The following CDH23 variants were observed in gnomAD, a reference collection of about 807,000 sequenced individuals.
The protein encoded by CDH23 is cadherin related 23, also known as cadherin-23.
In CDH23, 189 loss-of-function variants were observed where a neutral mutation model predicts 317.1. The ratio of observed to expected loss-of-function variants is 0.60; its 90% CI spans 0.53 to 0.67. CDH23 has a LOEUF of 0.67. CDH23 is among the 30% of genes least tolerant of loss of function. The pLI is 0.00. For synonymous variants in CDH23, 1,839 were observed against 1,876.8 expected (o/e 0.98, Z 0.52); for missense variants, 4,401 against 4,592.4 (o/e 0.96, Z 1.20).
intron 6 of CDH23, among the ~76,000 whole-genome samples, chr10:71,544,225 G>A (rs1323462662): frequency 6.6e-6 from 1 of 152,172 alleles, no homozygotes; most frequent in African/African-American, 2.4e-5. Context: ...AGAGGTGGAC[G>A]GGAGTAGCGG....
At chr10:71,764,240 A>G (rs916125918) in intron 38 of CDH23, among the ~76,000 whole-genome samples, 1 of 152,192 alleles carries the variant, frequency 6.6e-6, no homozygotes, top group African/African-American at 2.4e-5. Context: ...CACTACGCTA[A>G]GGGTTTCATG....
In CDH23 at chr10:71,625,515, T is replaced by C. The variant is rs79270431; in HGVS notation, c.1134+8122T>C. On this transcript the variant is annotated intron_variant, in intron 11 of 69. Transcript: ENST00000224721. ...GGAGGTGAGAAGGGGAGACTGTTCT[T>C]GTTCTCCTGCTCATCTCAGTCTTTA... Among the ~76,000 whole-genome samples the C allele has an allele frequency of 3.2e-3, 478 of 151,680 alleles. 21 individuals are homozygous for C. The East Asian group carries it at 0.075, about 24-fold the overall frequency.
At chr10:71,744,473 C>T (rs1010286727) in intron 38 of CDH23, among the ~76,000 whole-genome samples, 8 of 152,230 alleles carry the variant, frequency 5.3e-5, no homozygotes, top group Non-Finnish European at 8.8e-5. Flanking sequence ...ACCCAGAATG[C>T]ATGGGCCACT....
rs115028786 is a variant in CDH23 at position 71,507,775 on chromosome 10, C to T, written c.146-2307C>T. 7.4e-3 allele frequency among the ~76,000 whole-genome samples: 1,123 copies of T among 152,316 alleles called. 21 individuals carry two copies. Among genetic ancestry groups the T allele is most frequent in the Middle Eastern group, 0.031 (9 of 294 alleles). On this transcript the variant is annotated intron_variant, in intron 3 of 69. Transcript: ENST00000224721. The stretch of plus-strand genomic sequence containing the variant: ...TTAGTATAAAACATTTATTTGTCAC[C>T]GGGCAATGCAAACGCTTTGGAAAGA...
intron 3 of CDH23, among the ~76,000 whole-genome samples, chr10:71,462,973 G>A (rs1006689176): frequency 6.6e-6 from 1 of 152,206 alleles, no homozygotes; most frequent in Non-Finnish European, 1.5e-5. Flanking sequence ...TTGGCCTAAA[G>A]GCCAACTCAG....
chr10:71,708,470 C>T (rs1361550296), intron 26 of CDH23, among the ~76,000 whole-genome samples: 2 of 152,206 alleles, frequency 1.3e-5, no homozygotes. Context: ...TTCCTGACTC[C>T]CGTCCACCGC....
At chr10:71,610,823 G>T (rs1161129431) in intron 9 of CDH23, among the ~76,000 whole-genome samples, 1 of 151,806 alleles carries the variant, frequency 6.6e-6, no homozygotes, top group Non-Finnish European at 1.5e-5. Context: ...CTGCCCCCAG[G>T]AAAACCAGCA....
At chr10:71,470,163 G>T (rs550308971) in intron 3 of CDH23, among the ~76,000 whole-genome samples, 2 of 152,186 alleles carry the variant, frequency 1.3e-5, no homozygotes, top group South Asian at 2.1e-4. Context: ...GAACTGACAC[G>T]CTGGTTTTCA....
intron 1 of CDH23, among the ~76,000 whole-genome samples, chr10:71,417,057 T>C (rs10823740): frequency 0.3 from 43,808 of 148,216 alleles, 6,624 homozygotes; most frequent in Middle Eastern, 0.44. Context: ...TTTTTGTCTT[T>C]TCCTTTCTTC....
At chr10:71,774,147 G>C (rs1256818540) in intron 38 of CDH23, among the ~76,000 whole-genome samples, 1 of 151,660 alleles carries the variant, frequency 6.6e-6, no homozygotes, top group Non-Finnish European at 1.5e-5. Flanking sequence ...GACACACACA[G>C]ATATGCAGGC....
chr10:71,709,325 G>A, intron 27 of CDH23, 114 bp downstream of exon 27: 1 of 863,686 alleles, frequency 1.2e-6, no homozygotes, highest in South Asian at 1.7e-5. Flanking sequence ...TGCCAGTGGA[G>A]AAAGGGCCAC....
chr10:71,689,846 G>A (rs1028750828), intron 19 of CDH23, among the ~76,000 whole-genome samples: 2 of 152,174 alleles, frequency 1.3e-5, no homozygotes, highest in Non-Finnish European at 1.5e-5. Context: ...CTCACCACTG[G>A]GCCAGAGCTG....
At chr10:71,586,205 A>C (rs963567141) in intron 9 of CDH23, among the ~76,000 whole-genome samples, 1 of 152,026 alleles carries the variant, frequency 6.6e-6, no homozygotes, top group Non-Finnish European at 1.5e-5. Context: ...TTTCTAGCTC[A>C]TGGCTGGAGG....
At chr10:71,401,002 G>C (rs1208389644) in intron 1 of CDH23, among the ~76,000 whole-genome samples, 3 of 152,074 alleles carry the variant, frequency 2.0e-5, no homozygotes, top group South Asian at 2.1e-4. Flanking sequence ...CTTGCTTTGG[G>C]TTCCTCTTGG....
At chr10:71,511,332 C>G (rs1853972731) in intron 6 of CDH23, 120 bp downstream of exon 6, 4 of 924,628 alleles carry the variant, frequency 4.3e-6, no homozygotes, top group Non-Finnish European at 7.1e-6. Flanking sequence ...CAGACCTCAG[C>G]CCAGGTGCCA....
intron 1 of CDH23, among the ~76,000 whole-genome samples, chr10:71,406,018 A>AT (rs10659003): frequency 0.065 from 9,643 of 147,542 alleles, 778 homozygotes; most frequent in African/African-American, 0.19. Flanking sequence ...AAAGCAGGTA[A>AT]TTTTTTTTTT....
At chr10:71,795,172 G>C (rs1841365427) in intron 48 of CDH23, among the ~76,000 whole-genome samples, 1 of 152,162 alleles carries the variant, frequency 6.6e-6, no homozygotes, top group Non-Finnish European at 1.5e-5. Context: ...TACAATGACT[G>C]CCTGAGGGGA....
At chr10:71,708,162 A>G (rs1196656543) in intron 26 of CDH23, among the ~76,000 whole-genome samples, 1 of 152,106 alleles carries the variant, frequency 6.6e-6, no homozygotes, top group Non-Finnish European at 1.5e-5. Flanking sequence ...ATGGTACTTC[A>G]GACACTGGGG....
intron 2 of CDH23, among the ~76,000 whole-genome samples, chr10:71,445,003 C>T (rs1412247991): frequency 1.3e-5 from 2 of 152,142 alleles, no homozygotes; most frequent in African/African-American, 2.4e-5. Context: ...GGGGTCAGCT[C>T]AGGGAAACTT....
Sources: gnomAD v4.1 joint callset for allele counts (sites outside exome capture counted in the v4.1 genomes callset) on GRCh38, gnomAD v4.1.1 for gene constraint, MANE v1.5 for transcripts, NCBI Gene and HGNC (gene_info 2026-07-23, HGNC 2026-07-21) for gene names.